FRMPD4: variants seen among roughly 807,000 people sequenced by gnomAD.
The protein encoded by FRMPD4 is FERM and PDZ domain containing 4.
In FRMPD4, 22 loss-of-function variants were observed where a neutral mutation model predicts 94.1. The observed-to-expected ratio is 0.23, with a 90% CI of 0.17 to 0.33. FRMPD4 has a LOEUF of 0.33. FRMPD4 is among the 10% of genes least tolerant of loss of function. The pLI, the probability that FRMPD4 is intolerant of heterozygous loss-of-function variation, is 1.00. For synonymous variants in FRMPD4, 631 were observed against 548.6 expected, an observed-to-expected ratio of 1.15 and a Z score of -2.10; for missense variants, 1,111 against 1,339.9, an observed-to-expected ratio of 0.83 and a Z score of 2.67.
At chrX:12,281,279 A>G (rs1185391259) in intron 1 of FRMPD4, among the ~76,000 whole-genome samples, 1 of 112,104 alleles carries the variant, frequency 8.9e-6, no homozygotes, top group East Asian at 2.8e-4. Context: ...AAGGAACTAT[A>G]CAAAAGAATA....
chrX:12,394,561 T>G (rs750952722), intron 1 of FRMPD4, among the ~76,000 whole-genome samples: 1 of 111,591 alleles, frequency 9.0e-6, no homozygotes, highest in East Asian at 2.8e-4. Flanking sequence ...AGACAAACAC[T>G]GGGTGTTAGT....
At chrX:12,250,505 T>C (rs898882304) in intron 1 of FRMPD4, among the ~76,000 whole-genome samples, 1 of 112,019 alleles carries the variant, frequency 8.9e-6, no homozygotes, top group Non-Finnish European at 1.9e-5. Flanking sequence ...CAGATTTGAC[T>C]AGATATTTCT....
At chrX:12,630,882 A>G (rs2059389502) in intron 4 of FRMPD4, among the ~76,000 whole-genome samples, 1 of 111,720 alleles carries the variant, frequency 9.0e-6, no homozygotes, top group Non-Finnish European at 1.9e-5. Context: ...TCACAATAGG[A>G]GTTTGTCAAT....
At chrX:12,063,268 C>G (rs2054897317) in intron 3 of FRMPD4, among the ~76,000 whole-genome samples, 1 of 111,293 alleles carries the variant, frequency 9.0e-6, no homozygotes, top group African/African-American at 3.3e-5. Flanking sequence ...ACTTGGAAGG[C>G]TGAGGTGGGA....
At chrX:11,873,705 C>CTT (rs368589472) in intron 2 of FRMPD4, among the ~76,000 whole-genome samples, 1 of 98,527 alleles carries the variant, frequency 1.0e-5, no homozygotes, top group Non-Finnish European at 2.0e-5. Flanking sequence ...ATCCAGCAGG[C>CTT]TTTTTTTTTT....
At chrX:12,463,882 T>C (rs771146458) in intron 1 of FRMPD4, among the ~76,000 whole-genome samples, 2 of 109,593 alleles carry the variant, frequency 1.8e-5, no homozygotes, top group South Asian at 8.0e-4. Flanking sequence ...AGAAATTATG[T>C]AGAACAAATG....
intron 1 of FRMPD4, among the ~76,000 whole-genome samples, chrX:12,239,522 C>T (rs1484803351): frequency 1.8e-5 from 2 of 112,326 alleles, no homozygotes; most frequent in Non-Finnish European, 3.8e-5. Context: ...TTATTTCTTA[C>T]TCATGCCATT....
chrX:11,860,257 A>ACTTGGTTACTATGTCTCAGGCTAATC (rs2053678537), intron 1 of FRMPD4, among the ~76,000 whole-genome samples: 1 of 112,141 alleles, frequency 8.9e-6, no homozygotes, highest in Admixed American at 9.5e-5. Flanking sequence ...AACTTGTTAC[A>ACTTGGTTACTATGTCTCAGGCTAATC]CTTGGTTACT....
chrX:12,121,637 T>A lies in FRMPD4; in HGVS notation c.95+243619T>A, dbSNP rs182096285. Reference sequence around the variant, plus strand: ...TGGGTGGTGGTATCCTCAGTGAGAATCTCTCTGAGAGTGCAAAACTTTGGG... The same window carrying A: ...TGGGTGGTGGTATCCTCAGTGAGAAACTCTCTGAGAGTGCAAAACTTTGGG... On this transcript the variant is annotated intron_variant, in intron 3 of 18. Coordinates refer to the FRMPD4 transcript ENST00000640291. Among the ~76,000 whole-genome samples, 3 of 111,563 alleles carry A rather than the reference T, an allele frequency of 2.7e-5. No individual in the cohort carries two copies. In the Admixed American group the frequency reaches 2.9e-4, roughly 11 times the overall value.
At chrX:12,682,401 A>G (rs2059981797) in intron 5 of FRMPD4, among the ~76,000 whole-genome samples, 1 of 112,204 alleles carries the variant, frequency 8.9e-6, no homozygotes, top group South Asian at 3.7e-4. Context: ...TTCTTTACGC[A>G]ACAGCCTCTA....
At chrX:12,622,011 A>AAAGAAAGAAAGG (rs2059299695) in intron 4 of FRMPD4, among the ~76,000 whole-genome samples, 1 of 35,909 alleles carries the variant, frequency 2.8e-5, no homozygotes, top group African/African-American at 1.4e-4. Flanking sequence ...AGAAAGAAAG[A>AAAGAAAGAAAGG]AAGAAAGGAA....
chrX:12,428,990 G>T (rs1228113742), intron 1 of FRMPD4, among the ~76,000 whole-genome samples: 1 of 110,332 alleles, frequency 9.1e-6, no homozygotes, highest in African/African-American at 3.4e-5. Context: ...TGGGCAGACA[G>T]CCAACCATTT....
chrX:12,678,229 C>T (rs903541250), intron 5 of FRMPD4, among the ~76,000 whole-genome samples: 1 of 112,541 alleles, frequency 8.9e-6, no homozygotes, highest in East Asian at 2.8e-4. Flanking sequence ...CATCACTGGG[C>T]CTTTCACATC....
intron 3 of FRMPD4, among the ~76,000 whole-genome samples, chrX:12,108,493 T>G (rs374310200): frequency 1.2e-4 from 13 of 112,141 alleles, no homozygotes; most frequent in East Asian, 2.8e-4. Flanking sequence ...AGACCATCAA[T>G]GCTAGGAAGA....
chrX:12,346,895 A>G (rs747299556), intron 1 of FRMPD4, among the ~76,000 whole-genome samples: 1 of 112,539 alleles, frequency 8.9e-6, no homozygotes, highest in Non-Finnish European at 1.9e-5. Flanking sequence ...ATATGAAATT[A>G]TGTGGAATCT....
At chrX:12,540,242 T>G (rs771623685) in intron 2 of FRMPD4, among the ~76,000 whole-genome samples, 2 of 111,288 alleles carry the variant, frequency 1.8e-5, no homozygotes, top group African/African-American at 6.6e-5. Context: ...CAGAACAATA[T>G]TAACCTTAAA....
chrX:12,046,150 T>C (rs2054783826), intron 3 of FRMPD4, among the ~76,000 whole-genome samples: 1 of 111,418 alleles, frequency 9.0e-6, no homozygotes, highest in Non-Finnish European at 1.9e-5. Context: ...GAAGAATTAA[T>C]ACACTATTCT....
intron 3 of FRMPD4, among the ~76,000 whole-genome samples, chrX:11,904,108 C>A (rs765089682): frequency 9.0e-6 from 1 of 111,680 alleles, no homozygotes; most frequent in Admixed American, 9.5e-5. Context: ...TGTAATATTG[C>A]AAATGTTAAG....
At chrX:11,882,942 T>C (rs1269884554) in intron 3 of FRMPD4, among the ~76,000 whole-genome samples, 1 of 111,676 alleles carries the variant, frequency 9.0e-6, no homozygotes, top group African/African-American at 3.3e-5. Context: ...TGGCAACACA[T>C]ATGGCTTTAA....
Sources: allele counts gnomAD v4.1 joint callset (sites outside exome capture counted in the v4.1 genomes callset), GRCh38; gene constraint gnomAD v4.1.1; transcripts MANE v1.5; gene names NCBI Gene and HGNC (gene_info 2026-07-23, HGNC 2026-07-21).